The following AFM variants were observed in gnomAD, a reference collection of about 807,000 sequenced individuals.
The protein encoded by AFM is alpha-Alb.
A neutral mutation model predicts 68.7 loss-of-function variants in AFM; 82 were observed. That is an observed-to-expected ratio of 1.19 (90% CI 1.00 to 1.43). AFM has a LOEUF of 1.43. Among genes scored for constraint, AFM ranks in the 40% most tolerant of loss-of-function variants. The pLI is 0.00. For missense variants in AFM, 772 were observed against 701.8 expected (o/e 1.10, Z -1.13); for synonymous variants, 250 against 234.2 (o/e 1.07, Z -0.61).
rs200875515 is a variant in AFM at position 73,488,771 on chromosome 4, C to G, written c.843+12C>G. The G allele has an allele frequency of 9.4e-5, 150 of 1,597,404 alleles. 1 individual carries two copies. In the East Asian group the frequency reaches 3.3e-3, roughly 36 times the overall value. ...GCATCCGTGACACGGTGAATATTCTCTAAAACCAAGTTAAAATAGTGATTT... is the reference window on the plus strand; with the variant it reads ...GCATCCGTGACACGGTGAATATTCTGTAAAACCAAGTTAAAATAGTGATTT... On this transcript the variant is annotated intron_variant, in intron 7 of 14. Coordinates refer to ENST00000226355, the MANE Select transcript of AFM (RefSeq NM_001133.2).
At chr4:73,501,145 C>A (rs1721411636) in intron 12 of AFM, among the ~76,000 whole-genome samples, 2 of 152,092 alleles carry the variant, frequency 1.3e-5, no homozygotes, top group African/African-American at 4.8e-5. Flanking sequence ...TACTAGAATA[C>A]TGGAATTCTA....
chr4:73,491,330 T>C (rs1721065039), intron 7 of AFM, among the ~76,000 whole-genome samples: 1 of 152,204 alleles, frequency 6.6e-6, no homozygotes, highest in Non-Finnish European at 1.5e-5. Context: ...TGATATCCAT[T>C]AGAAAATGAT....
At chr4:73,489,446 A>G (rs1025784294) in intron 7 of AFM, among the ~76,000 whole-genome samples, 3 of 152,180 alleles carry the variant, frequency 2.0e-5, no homozygotes, top group African/African-American at 7.2e-5. Context: ...ACATTGTGGA[A>G]TGTCTAAATC....
Position 73,501,786 on chromosome 4 carries a change from G to C in AFM, c.1647-1G>C. The C allele has an allele frequency of 6.2e-7, 1 of 1,611,378 alleles. No homozygotes were observed. The highest frequency in any genetic ancestry group is 8.5e-7 in the Non-Finnish European group (1 of 1,178,906). On this transcript the variant is annotated splice_acceptor_variant, in intron 12 of 14. Transcript: ENST00000226355. LOFTEE classifies it high-confidence loss of function. ...TTTTATTTGACATCTTTTGGCCACA[G>C]GTTTCTTGTCAACTTAGTGAAGCTG... is the stretch of plus-strand genomic sequence containing the variant.
chr4:73,501,965 C>CAAATA (rs538703576), intron 13 of AFM, 46 bp downstream of exon 13: 2 of 1,597,594 alleles, frequency 1.3e-6, no homozygotes, highest in Non-Finnish European at 1.7e-6. Context: ...TTTTCCTGGT[C>CAAATA]AAATAAAATA....
intron 3 of AFM, 79 bp from the exon 4 acceptor site, chr4:73,485,783 G>C (rs1720883452): frequency 8.7e-7 from 1 of 1,142,904 alleles, no homozygotes; most frequent in Non-Finnish European, 1.3e-6. Context: ...GGGAAAATTA[G>C]TCATTGTGTT....
At chr4:73,488,808 CA>C (rs1304967715) in intron 7 of AFM, 49 bp downstream of exon 7, 3 of 1,564,974 alleles carry the variant, frequency 1.9e-6, no homozygotes, top group Non-Finnish European at 2.6e-6. Flanking sequence ...TGGCAATTAT[CA>C]TTTTTTTATT....
At chr4:73,500,792 G>A in intron 12 of AFM, among the ~76,000 whole-genome samples, 1 of 152,026 alleles carries the variant, frequency 6.6e-6, no homozygotes, top group East Asian at 1.9e-4. Context: ...GCATAATAAA[G>A]GCCTAATATA....
At chr4:73,501,985 C>T (rs993970935) in intron 13 of AFM, 66 bp downstream of exon 13, 17 of 1,549,838 alleles carry the variant, frequency 1.1e-5, no homozygotes, top group Non-Finnish European at 1.5e-5. Context: ...AAAACAGAAC[C>T]CTGCAGGACA....
intron 5 of AFM, 104 bp downstream of exon 5, chr4:73,487,203 T>C: frequency 2.5e-6 from 3 of 1,212,618 alleles, no homozygotes; most frequent in Non-Finnish European, 3.4e-6. Context: ...CCATATATGA[T>C]GTTCTCTTGT....
At position 73,495,308 on chromosome 4, in the gene AFM, T is replaced by A; in HGVS notation, c.1067T>A (p.Phe356Tyr). The change falls in exon 9 of 15, where the codon TTT becomes TAT. Residue 356 changes from phenylalanine to tyrosine, a missense_variant. Physicochemically the swap from Phe to Tyr is conservative, Grantham distance 22. Coordinates refer to ENST00000226355, the MANE Select transcript of AFM (RefSeq NM_001133.2). ...DPDTFFAKFT[F>Y]EYSRRHPDLS... is the part of the protein sequence containing the mutation. Reference sequence around the variant, plus strand: ...AATTTTACACATTGCAGGTTTACTTTTGAATACTCAAGGAGACATCCAGAC... The same window carrying A: ...AATTTTACACATTGCAGGTTTACTTATGAATACTCAAGGAGACATCCAGAC... 1 of 1,579,564 alleles carries A rather than the reference T, an allele frequency of 6.3e-7. No homozygotes were observed.
intron 9 of AFM, 71 bp from the exon 10 acceptor site, chr4:73,497,581 A>T: frequency 1.0e-6 from 1 of 961,456 alleles, no homozygotes; most frequent in Non-Finnish European, 1.5e-6. Context: ...ATGCTATTCT[A>T]CACATTGATG....
Position 73,486,988 on chromosome 4 carries a change from A to T in AFM, c.504A>T (p.Arg168Ser). 6.2e-7 allele frequency: 1 copy of T among 1,613,470 alleles called. No individual in the cohort carries two copies. ...LLNHFLYEVA[R>S]RNPFVFAPTL... ...ATAGCTTTTTATATGAAGTTGCCAG[A>T]AGGAACCCATTTGTCTTCGCCCCTA... is the stretch of plus-strand genomic sequence containing the variant. Residue 168 changes from arginine to serine, a missense_variant, in exon 5 of 15, where the codon AGA (arginine) becomes AGT (serine). Coordinates refer to ENST00000226355, the MANE Select transcript of AFM (RefSeq NM_001133.2).
intron 7 of AFM, among the ~76,000 whole-genome samples, chr4:73,491,256 GT>G (rs1430350893): frequency 6.6e-6 from 1 of 152,150 alleles, no homozygotes; most frequent in Non-Finnish European, 1.5e-5. Context: ...ACAGAATAAA[GT>G]TGTCCATTTG....
chr4:73,488,525 G>T, intron 6 of AFM, 105 bp from the exon 7 acceptor site: 1 of 961,964 alleles, frequency 1.0e-6, no homozygotes, highest in Non-Finnish European at 1.5e-6. Flanking sequence ...CAACAGCAAT[G>T]GTGGCAATAC....
chr4:73,496,821 T>A (rs1458055910), intron 9 of AFM, among the ~76,000 whole-genome samples: 1 of 152,222 alleles, frequency 6.6e-6, no homozygotes, highest in Non-Finnish European at 1.5e-5. Context: ...TTAGAGAAAT[T>A]AATAATTTGA....
intron 13 of AFM, among the ~76,000 whole-genome samples, chr4:73,502,799 T>C (rs1276788287): frequency 6.6e-6 from 1 of 152,168 alleles, no homozygotes; most frequent in Non-Finnish European, 1.5e-5. Flanking sequence ...AGGATATTAA[T>C]CAATATCTAG....
rs777843991 is a variant in AFM at position 73,501,798 on chromosome 4, A to G, written c.1658A>G (p.Asn553Ser). ...TCTTTTGGCCACAGGTTTCTTGTCA[A>G]CTTAGTGAAGCTGAAGCATGAACTC... ...LQRKTDRFLV[N>S]LVKLKHELTD... The change falls in exon 13 of 15, where the codon AAC (asparagine) becomes AGC (serine). Residue 553 changes from asparagine (N) to serine (S), a missense_variant. Asn to Ser is a conservative substitution (Grantham distance 46, BLOSUM62 1). Coordinates refer to ENST00000226355, the MANE Select transcript of AFM (RefSeq NM_001133.2). The G allele has an allele frequency of 1.2e-6, 2 of 1,612,504 alleles. No individual in the cohort carries two copies. Among genetic ancestry groups the G allele is most frequent in the Admixed American group, 3.4e-5 (2 of 59,666 alleles).
At chr4:73,503,210 C>G in intron 14 of AFM, 100 bp downstream of exon 14, 1 of 910,208 alleles carries the variant, frequency 1.1e-6, no homozygotes, top group Non-Finnish European at 1.7e-6. Context: ...TCTGGTTCAT[C>G]CTACATGAAC....
Sources: allele counts gnomAD v4.1 joint callset (sites outside exome capture counted in the v4.1 genomes callset), GRCh38; gene constraint gnomAD v4.1.1; transcripts MANE v1.5; gene names NCBI Gene and HGNC (gene_info 2026-07-23, HGNC 2026-07-21).